Variants in RTL9 observed in about 807,000 individuals in gnomAD.
RTL9 encodes retrotransposon Gag-like protein 9.
Under a neutral mutation model 44.7 loss-of-function variants are expected in RTL9, and 19 were observed. The ratio of observed to expected loss-of-function variants is 0.42; its 90% CI spans 0.30 to 0.62. RTL9 has a LOEUF of 0.62. Among genes scored for constraint, RTL9 ranks in the 20% least tolerant of loss-of-function variants. The pLI is 0.16. For synonymous variants in RTL9, 407 were observed against 398.9 expected (o/e 1.02, Z -0.24); for missense variants, 1,105 against 1,080.6 (o/e 1.02, Z -0.32).
chrX:110,385,000 A>G (rs1423902162), intron 1 of RTL9, among the ~76,000 whole-genome samples: 1 of 110,812 alleles, frequency 9.0e-6, no homozygotes, highest in Non-Finnish European at 1.9e-5. Context: ...TTGAAAGCCT[A>G]AGACTATCAT....
At chrX:110,402,384 G>A (rs939764316) in intron 1 of RTL9, among the ~76,000 whole-genome samples, 1 of 112,953 alleles carries the variant, frequency 8.9e-6, no homozygotes, top group Non-Finnish European at 1.9e-5. Context: ...GGTAAGGCAG[G>A]GTTATTATTT....
chrX:110,435,615 C>A (rs1019421281), intron 1 of RTL9, among the ~76,000 whole-genome samples: 2 of 111,771 alleles, frequency 1.8e-5, no homozygotes, highest in Non-Finnish European at 3.8e-5. Context: ...TTCTGAGTCT[C>A]CAAATGACCT....
rs900227735 is a variant in RTL9, at chrX:110,420,225, C to T, written c.-168+1090C>T. ...TTACTTGTCTGTCCTTCCTACTAGA[C>T]GAGGAGCTTCTCAAGTGCAGAGACT... On this transcript the variant is annotated intron_variant, in intron 1 of 3. Coordinates refer to the RTL9 transcript ENST00000465301. Among the ~76,000 whole-genome samples, 11 of 112,201 alleles carry T rather than the reference C, an allele frequency of 9.8e-5. No individual in the cohort carries two copies. The East Asian group carries it at 1.9e-3, about 20-fold the overall frequency.
At chrX:110,375,529 G>A (rs747547020) in intron 1 of RTL9, among the ~76,000 whole-genome samples, 18 of 104,983 alleles carry the variant, frequency 1.7e-4, no homozygotes, top group Non-Finnish European at 3.2e-4. Flanking sequence ...GTAAATATTG[G>A]ATGAATAGAT....
At chrX:110,442,247 C>CTCTCTCTG (rs1556214261) in intron 1 of RTL9, among the ~76,000 whole-genome samples, 156 of 97,031 alleles carry the variant, frequency 1.6e-3, no homozygotes, top group African/African-American at 5.4e-3. Context: ...CTCTCTCTCT[C>CTCTCTCTG]TGTGTGTGTG....
upstream of RTL9, among the ~76,000 whole-genome samples, chrX:110,417,718 G>A (rs1297054575): frequency 8.9e-6 from 1 of 112,385 alleles, no homozygotes; most frequent in African/African-American, 3.2e-5. Context: ...AGGTGATGAA[G>A]ATGATGATGA....
Position 110,375,247 on chromosome X carries a change from G to A in RTL9, c.-168+16331G>A, listed in dbSNP as rs775150055. Among the ~76,000 whole-genome samples, 13 of 112,020 alleles carry A rather than the reference G, an allele frequency of 1.2e-4. No individual in the cohort carries two copies. In the South Asian group the frequency reaches 4.9e-3, roughly 42 times the overall value. On this transcript the variant is annotated intron_variant, in intron 1 of 2. Transcript: ENST00000520821. ...CTTTAGAGTTGAGTGGGAAATATAA[G>A]AAAGAAAGAAAGATGCTGGATGCAG...
At chrX:110,438,509 A>G (rs1021857042) in intron 1 of RTL9, among the ~76,000 whole-genome samples, 2 of 111,536 alleles carry the variant, frequency 1.8e-5, no homozygotes, top group East Asian at 5.6e-4. Flanking sequence ...TCCAAGTATC[A>G]TTTTCTCAGA....
chrX:110,428,263 A>T (rs2068768921), intron 1 of RTL9, among the ~76,000 whole-genome samples: 1 of 111,668 alleles, frequency 9.0e-6, no homozygotes, highest in Admixed American at 9.5e-5. Context: ...AGGCTCCCGC[A>T]ACAATCTAAA....
At chrX:110,373,209 C>T (rs913642465) in intron 1 of RTL9, among the ~76,000 whole-genome samples, 1 of 111,811 alleles carries the variant, frequency 8.9e-6, no homozygotes. Context: ...AGGACCATGC[C>T]TGTAAGTAAA....
At chrX:110,375,560 GAATC>G (rs754150916) in intron 1 of RTL9, among the ~76,000 whole-genome samples, 2,181 of 103,595 alleles carry the variant, frequency 0.021, 52 homozygotes, top group African/African-American at 0.083. Flanking sequence ...ATGAATGAAT[GAATC>G]AATCAATCAA....
At chrX:110,418,214 G>A (rs921280142), upstream of RTL9, among the ~76,000 whole-genome samples, 2 of 112,433 alleles carry the variant, frequency 1.8e-5, no homozygotes, top group African/African-American at 6.5e-5. Flanking sequence ...CCAGAGATAC[G>A]CCTGATGGTC....
chrX:110,383,319 G>T (rs777968957), intron 1 of RTL9, among the ~76,000 whole-genome samples: 3 of 111,215 alleles, frequency 2.7e-5, no homozygotes, highest in African/African-American at 6.5e-5. Flanking sequence ...CTCCCTTCAA[G>T]AACTCCTATC....
rs538923561 is a variant in RTL9 at position 110,409,423 on chromosome X, G to A, written c.-167-35730G>A. On this transcript the variant is annotated intron_variant, in intron 1 of 2. Coordinates refer to the RTL9 transcript ENST00000520821. Reference sequence around the variant, plus strand: ...TTCTCACTTGCTGGTATCAATCGTAGGGGCCCAAAGACCTCACTACCTAAA... The same window carrying A: ...TTCTCACTTGCTGGTATCAATCGTAAGGGCCCAAAGACCTCACTACCTAAA... Among the ~76,000 whole-genome samples the A allele has an allele frequency of 1.1e-4, 12 of 111,618 alleles. No homozygotes were observed. The South Asian group carries it at 4.6e-3, about 43-fold the overall frequency.
At chrX:110,384,122 G>T (rs928424232) in intron 1 of RTL9, among the ~76,000 whole-genome samples, 7 of 111,126 alleles carry the variant, frequency 6.3e-5, no homozygotes, top group Admixed American at 3.8e-4. Flanking sequence ...TTATTATATA[G>T]CACTATTATA....
intron 1 of RTL9, among the ~76,000 whole-genome samples, chrX:110,379,745 C>T (rs1381939248): frequency 8.9e-6 from 1 of 111,870 alleles, no homozygotes; most frequent in African/African-American, 3.2e-5. Context: ...TTCATTTAGA[C>T]AGACTTCCCA....
chrX:110,425,155 T>A (rs112274369), intron 1 of RTL9, among the ~76,000 whole-genome samples: 5,278 of 112,065 alleles, frequency 0.047, 311 homozygotes, highest in African/African-American at 0.16. Context: ...AAAATCAAGG[T>A]TAATCTTGTT....
chrX:110,442,263 G>C (rs1293547236), intron 1 of RTL9, among the ~76,000 whole-genome samples: 80 of 107,927 alleles, frequency 7.4e-4, no homozygotes, highest in Non-Finnish European at 5.7e-4. Context: ...GTGTGTGTGT[G>C]TGTGTGTGTG....
Position 110,441,386 on chromosome X carries a change from G to A in RTL9, c.-167-3767G>A, listed in dbSNP as rs1395011437. ...GAGCCCAAGACATCCCACAGTACTA[G>A]GCACTATGAGCTTCATGTCTAGGAG... On this transcript the variant is annotated intron_variant, in intron 1 of 3. Transcript: ENST00000465301. Among the ~76,000 whole-genome samples, 16 of 111,826 alleles carry A rather than the reference G, an allele frequency of 1.4e-4. No individual in the cohort carries two copies. In the Admixed American group the frequency reaches 1.5e-3, roughly 11 times the overall value.
Sources: gnomAD v4.1 joint callset for allele counts (sites outside exome capture counted in the v4.1 genomes callset) on GRCh38, gnomAD v4.1.1 for gene constraint, MANE v1.5 for transcripts, NCBI Gene and HGNC (gene_info 2026-07-23, HGNC 2026-07-21) for gene names.